Variants in TMEM131 observed in about 807,000 individuals in gnomAD.
TMEM131 encodes the protein transmembrane protein 131.
In TMEM131, 66 loss-of-function variants were observed where a neutral mutation model predicts 211.6. The observed-to-expected ratio is 0.31, with a 90% CI of 0.26 to 0.38. TMEM131 has a LOEUF of 0.38. Ranked by LOEUF, TMEM131 falls within the 10% of genes least tolerant of loss-of-function variation. The pLI, the probability that TMEM131 is intolerant of heterozygous loss-of-function variation, is 1.00. For synonymous variants in TMEM131, 844 were observed against 841.3 expected, an observed-to-expected ratio of 1.00 and a Z score of -0.06; for missense variants, 2,036 against 2,299.3, an observed-to-expected ratio of 0.89 and a Z score of 2.34.
At chr2:97,880,268 A>G (rs1382416702) in intron 4 of TMEM131, among the ~76,000 whole-genome samples, 1 of 152,164 alleles carries the variant, frequency 6.6e-6, no homozygotes, top group African/African-American at 2.4e-5. Context: ...GTAAAAAGGC[A>G]GGTTTTATAA....
chr2:97,888,174 C>A (rs1043543295), intron 3 of TMEM131, 54 bp from the exon 4 acceptor site: 4 of 1,468,508 alleles, frequency 2.7e-6, no homozygotes, highest in Non-Finnish European at 3.7e-6. Flanking sequence ...TATATGTTTC[C>A]CCAAACTCTA....
At chr2:97,805,010 G>A in intron 22 of TMEM131, 78 bp downstream of exon 22, 1 of 995,882 alleles carries the variant, frequency 1.0e-6, no homozygotes, top group Non-Finnish European at 1.4e-6. Context: ...TCTAACATAA[G>A]AATATAATTT....
At chr2:97,816,543 A>C (rs981899691) in intron 12 of TMEM131, among the ~76,000 whole-genome samples, 7 of 152,118 alleles carry the variant, frequency 4.6e-5, no homozygotes, top group African/African-American at 1.7e-4. Context: ...GTGTCATCCA[A>C]CCTCATGACA....
chr2:97,796,152 A>C, intron 28 of TMEM131, 66 bp downstream of exon 28: 1 of 974,630 alleles, frequency 1.0e-6, no homozygotes, highest in South Asian at 1.7e-5. Context: ...TAAATATGAA[A>C]ACATATCTTT....
intron 3 of TMEM131, among the ~76,000 whole-genome samples, chr2:97,895,785 GATTT>G (rs1675585290): frequency 6.6e-6 from 1 of 151,070 alleles, no homozygotes; most frequent in Non-Finnish European, 1.5e-5. Flanking sequence ...TCTGGCTAGT[GATTT>G]ATTTTGTTGG....
intron 3 of TMEM131, among the ~76,000 whole-genome samples, chr2:97,904,392 A>T (rs1257915824): frequency 6.6e-6 from 1 of 152,174 alleles, no homozygotes; most frequent in Non-Finnish European, 1.5e-5. Context: ...GGAGAGAGTT[A>T]AAAAAGAGAG....
At chr2:97,969,882 T>C (rs1313615891) in intron 1 of TMEM131, among the ~76,000 whole-genome samples, 1 of 152,224 alleles carries the variant, frequency 6.6e-6, no homozygotes, top group Non-Finnish European at 1.5e-5. Context: ...CTTATCTAAA[T>C]GTTACTCAGT....
At chr2:97,895,683 T>C (rs973052291) in intron 3 of TMEM131, among the ~76,000 whole-genome samples, 11 of 152,204 alleles carry the variant, frequency 7.2e-5, no homozygotes, top group African/African-American at 1.7e-4. Context: ...TCTCTGATGG[T>C]AGTTTTTTAT....
At position 97,772,310 on chromosome 2, in the gene TMEM131, C is replaced by T. The variant is rs1372074170; in HGVS notation, c.4435G>A (p.Asp1479Asn). The T allele has an allele frequency of 6.2e-7, 1 of 1,602,216 alleles. No individual in the cohort carries two copies. The stretch of plus-strand genomic sequence containing the variant: ...TATTTCTCTCACCTGGGTTTCACAT[C>T]TGTTGGGATTTCTTTCTTAATATTT... Reference protein sequence around the residue: ...LLNIKKEIPTDVKPSSLELPY... With the variant: ...LLNIKKEIPTNVKPSSLELPY... Residue 1479 changes from aspartate (D) to asparagine (N), a missense_variant, in exon 33 of 41, where the codon GAT becomes AAT. This residue lies in a region of TMEM131 where 1,623 missense variants were observed against 1,805.9 expected (regional missense o/e 0.90). Coordinates refer to ENST00000186436, the MANE Select transcript of TMEM131 (RefSeq NM_015348.2).
chr2:97,767,780 G>C (rs902889308), intron 33 of TMEM131, among the ~76,000 whole-genome samples: 1 of 152,144 alleles, frequency 6.6e-6, no homozygotes, highest in South Asian at 2.1e-4. Flanking sequence ...TACTACTCAG[G>C]ACTCCCGGCC....
chr2:97,870,001 T>C (rs1351548476), intron 4 of TMEM131, among the ~76,000 whole-genome samples: 1 of 152,200 alleles, frequency 6.6e-6, no homozygotes, highest in Non-Finnish European at 1.5e-5. Context: ...TTGCTTTCAG[T>C]CTTTTGCCAT....
intron 4 of TMEM131, 77 bp downstream of exon 4, chr2:97,887,975 C>T: frequency 8.5e-7 from 1 of 1,183,406 alleles, no homozygotes; most frequent in Non-Finnish European, 1.2e-6. Context: ...GTAACACAGG[C>T]AAAAGACAAG....
intron 31 of TMEM131, among the ~76,000 whole-genome samples, chr2:97,790,453 T>C (rs1251316056): frequency 6.6e-6 from 1 of 152,206 alleles, no homozygotes; most frequent in African/African-American, 2.4e-5. Context: ...TAATGTGGCA[T>C]CCATGCTCCC....
rs981143212 is a variant in TMEM131 at position 97,842,126 on chromosome 2, T to C, written c.601-189A>G. On this transcript the variant is annotated intron_variant, in intron 6 of 40. Transcript: ENST00000186436. ...ATTTGGCTACATATTTGATTGACTA[T>C]GTATGTGAATTTAGAATGATTTCTT... is the stretch of plus-strand genomic sequence containing the variant. 4.6e-5 allele frequency among the ~76,000 whole-genome samples: 7 copies of C among 152,328 alleles called. No homozygotes were observed. In the South Asian group the frequency reaches 1.0e-3, roughly 23 times the overall value.
chr2:97,856,669 T>TA (rs1283739291), intron 5 of TMEM131, among the ~76,000 whole-genome samples: 1 of 152,196 alleles, frequency 6.6e-6, no homozygotes, highest in Non-Finnish European at 1.5e-5. Flanking sequence ...CTCCTCGACA[T>TA]AAGAAACTCT....
chr2:97,824,817 A>G (rs947308639), intron 11 of TMEM131, among the ~76,000 whole-genome samples: 1 of 152,248 alleles, frequency 6.6e-6, no homozygotes, highest in Admixed American at 6.5e-5. Flanking sequence ...TAAAAGCTCA[A>G]AGCTTAGTAA....
intron 1 of TMEM131, among the ~76,000 whole-genome samples, chr2:97,990,939 T>C (rs182665350): frequency 1.3e-5 from 2 of 152,236 alleles, no homozygotes; most frequent in Admixed American, 1.3e-4. Flanking sequence ...CAAACGTTAC[T>C]CTGCCATTTA....
chr2:97,966,645 T>G (rs1484332654), intron 1 of TMEM131, among the ~76,000 whole-genome samples: 1 of 152,094 alleles, frequency 6.6e-6, no homozygotes, highest in Non-Finnish European at 1.5e-5. Context: ...CACCTGGGAT[T>G]ACACAAGTAG....
At chr2:97,965,513 A>G (rs997699399) in intron 1 of TMEM131, among the ~76,000 whole-genome samples, 4 of 152,156 alleles carry the variant, frequency 2.6e-5, no homozygotes, top group African/African-American at 9.7e-5. Context: ...CAACATTTTT[A>G]AAACAGGCAC....
Sources: gnomAD v4.1 joint callset for allele counts (sites outside exome capture counted in the v4.1 genomes callset) on GRCh38, gnomAD v4.1.1 for gene constraint, gnomAD v4.1.1 regional missense constraint, MANE v1.5 for transcripts, NCBI Gene and HGNC (gene_info 2026-07-23, HGNC 2026-07-21) for gene names.